Variants in UFSP2 observed in about 807,000 individuals in gnomAD.
The protein encoded by UFSP2 is ufm1-specific protease 2.
In UFSP2, 43 loss-of-function variants were observed where a neutral mutation model predicts 60.2. The observed-to-expected ratio is 0.71, with a 90% confidence interval of 0.56 to 0.92. UFSP2 has a LOEUF of 0.92. Among genes scored for constraint, UFSP2 ranks in the 40% least tolerant of loss-of-function variants. UFSP2 has a pLI of 0.00. For synonymous variants in UFSP2, 183 were observed against 195.1 expected, an observed-to-expected ratio of 0.94 and a Z score of 0.52; for missense variants, 520 against 575.0, an observed-to-expected ratio of 0.90 and a Z score of 0.98.
intron 2 of UFSP2, among the ~76,000 whole-genome samples, chr4:185,419,855 A>G (rs1407235469): frequency 6.6e-6 from 1 of 152,248 alleles, no homozygotes; most frequent in Non-Finnish European, 1.5e-5. Context: ...GCTATCATAT[A>G]TATGCTGCCA....
intron 4 of UFSP2, among the ~76,000 whole-genome samples, chr4:185,418,069 A>ACACACACACACACACACAC (rs1422329406): frequency 4.4e-5 from 1 of 22,780 alleles, no homozygotes; most frequent in African/African-American, 1.9e-4. Flanking sequence ...CACACACACA[A>ACACACACACACACACACAC]ACAACAGAAC....
Position 185,408,440 on chromosome 4 carries a change from A to G in UFSP2, c.832-5T>C. 6.2e-7 allele frequency: 1 copy of G among 1,612,392 alleles called. No homozygotes were observed. Among genetic ancestry groups the G allele is most frequent in the Non-Finnish European group, 8.5e-7 (1 of 1,178,972 alleles). Reference sequence around the variant, plus strand: ...TATGCCCTGGACCACATAAATCTATATACAGAGAAGAAACACAGTAAAATA... The same window carrying G: ...TATGCCCTGGACCACATAAATCTATGTACAGAGAAGAAACACAGTAAAATA... On this transcript the variant is annotated splice_region_variant and splice_polypyrimidine_tract_variant and intron_variant, in intron 7 of 11. Coordinates refer to ENST00000264689, the MANE Select transcript of UFSP2 (RefSeq NM_018359.5).
rs755098894 is a variant in UFSP2, at chr4:185,407,949, T to C, written c.1108A>G (p.Ile370Val). Residue 370 changes from isoleucine (I) to valine (V), a missense_variant, in exon 9 of 12, where the codon ATC (isoleucine) becomes GTC (valine). Physicochemically the swap from Ile to Val is conservative, Grantham distance 29. Transcript: ENST00000264689. Reference sequence around the variant, plus strand: ...AAGTGTGCTTACCTGACAAACAGGATTTTTGACGTTATACCGATCAATTGG... The same window carrying C: ...AAGTGTGCTTACCTGACAAACAGGACTTTTGACGTTATACCGATCAATTGG... ...LNQLIGITSK[I>V]LFVSQGSEIA... 1 of 1,613,740 alleles carries C rather than the reference T, an allele frequency of 6.2e-7. No individual in the cohort carries two copies. Among genetic ancestry groups the C allele is most frequent in the Non-Finnish European group, 8.5e-7 (1 of 1,179,900 alleles).
chr4:185,419,879 A>G (rs892912427), intron 2 of UFSP2, among the ~76,000 whole-genome samples: 1 of 152,214 alleles, frequency 6.6e-6, no homozygotes, highest in Admixed American at 6.5e-5. Flanking sequence ...ACATCTGTGC[A>G]TAAGTTCAGT....
chr4:185,400,518 T>G, intron 11 of UFSP2, 40 bp from the exon 12 acceptor site: 1 of 1,480,676 alleles, frequency 6.8e-7, no homozygotes, highest in Non-Finnish European at 9.4e-7. Context: ...TTTTACAAAG[T>G]TACAAGATTA....
At chr4:185,415,930 TAA>T (rs1356718037) in intron 4 of UFSP2, 63 bp from the exon 5 acceptor site, 1 of 1,341,210 alleles carries the variant, frequency 7.5e-7, no homozygotes, top group East Asian at 2.6e-5. Flanking sequence ...AAAGAGTAAG[TAA>T]AAAGACTTTT....
chr4:185,405,967 A>G, intron 9 of UFSP2, 111 bp from the exon 10 acceptor site: 6 of 1,561,562 alleles, frequency 3.8e-6, no homozygotes, highest in Non-Finnish European at 5.2e-6. Flanking sequence ...TTACTGAAAA[A>G]ATATATAAAT....
rs1267037410 is a variant in UFSP2 at position 185,418,719 on chromosome 4, T to G, written c.134A>C (p.Lys45Thr). ...LKHVLSDLST[K>T]LSSNALVFRI... ...GAACACAAGGGCGTTTGAAGACAGC[T>G]TAGTTGACAGGTCACTCAACACATG... Residue 45 changes from lysine (K) to threonine (T), a missense_variant, in exon 3 of 12, where the codon AAG becomes ACG. By Grantham distance (78) the Lys-to-Thr change is moderately conservative. Coordinates refer to ENST00000264689, the MANE Select transcript of UFSP2 (RefSeq NM_018359.5). The G allele has an allele frequency of 6.2e-7, 1 of 1,613,584 alleles. No homozygotes were observed. The highest frequency in any genetic ancestry group is 1.7e-5 in the Admixed American group (1 of 59,938).
At chr4:185,425,713 G>A (rs1441201195) in intron 1 of UFSP2, among the ~76,000 whole-genome samples, 153 bp downstream of exon 1, 2 of 152,170 alleles carry the variant, frequency 1.3e-5, no homozygotes, top group Non-Finnish European at 2.9e-5. Flanking sequence ...GCGGAGACAG[G>A]CGAACTGGAG....
At chr4:185,415,595 G>T in intron 5 of UFSP2, 115 bp downstream of exon 5, 2 of 1,008,902 alleles carry the variant, frequency 2.0e-6, no homozygotes, top group Non-Finnish European at 2.8e-6. Context: ...TGGCTCTTAG[G>T]TTAATAATAA....
At chr4:185,412,691 A>T (rs2095531527) in intron 7 of UFSP2, among the ~76,000 whole-genome samples, 1 of 152,152 alleles carries the variant, frequency 6.6e-6, no homozygotes, top group African/African-American at 2.4e-5. Context: ...GACAGAGTAA[A>T]AGTTAAGAAC....
Position 185,418,479 on chromosome 4 carries a change from T to G in UFSP2, c.295A>C (p.Lys99Gln), listed in dbSNP as rs757405752. The G allele has an allele frequency of 1.7e-5, 28 of 1,611,902 alleles. No individual in the cohort carries two copies. Among genetic ancestry groups the G allele is most frequent in the Non-Finnish European group, 2.3e-5 (27 of 1,178,490 alleles). Residue 99 changes from lysine to glutamine, a missense_variant, in exon 4 of 12, where the codon AAA (lysine) becomes CAA (glutamine). Transcript: ENST00000264689. ...TTTTTGTCCTTCTTTCTCATGAATT[T>G]TCTTTTTATATCTTCTTCTGGCTCA... ...QFEPEEDIKR[K>Q]FMRKKDKKLS...
intron 10 of UFSP2, among the ~76,000 whole-genome samples, chr4:185,404,805 C>G (rs374251694): frequency 6.6e-6 from 1 of 151,890 alleles, no homozygotes; most frequent in Non-Finnish European, 1.5e-5. Flanking sequence ...AGGCTGGTCT[C>G]GAACTCTTGG....
intron 4 of UFSP2, among the ~76,000 whole-genome samples, chr4:185,416,621 TAGTATAAA>T (rs985574012): frequency 2.5e-4 from 38 of 152,236 alleles, no homozygotes; most frequent in African/African-American, 8.9e-4. Flanking sequence ...TGTGTGTGGA[TAGTATAAA>T]AGTATAAAAG....
At chr4:185,403,707 G>A (rs566780188) in intron 10 of UFSP2, 89 bp from the exon 11 acceptor site, 38 of 1,497,708 alleles carry the variant, frequency 2.5e-5, no homozygotes, top group East Asian at 2.3e-4. Flanking sequence ...ACGGCCGGGC[G>A]TGGTGGCTCA....
chr4:185,424,697 T>G (rs892054580), intron 1 of UFSP2, among the ~76,000 whole-genome samples: 7 of 152,222 alleles, frequency 4.6e-5, no homozygotes, highest in Non-Finnish European at 1.5e-5. Context: ...TGTACCCATT[T>G]AAATAAAAAA....
At chr4:185,413,988 A>C in intron 6 of UFSP2, 116 bp from the exon 7 acceptor site, 1 of 915,296 alleles carries the variant, frequency 1.1e-6, no homozygotes, top group Non-Finnish European at 1.5e-6. Flanking sequence ...AAAAGTTTCC[A>C]AACACTTATG....
chr4:185,413,135 T>C (rs1230684033), intron 7 of UFSP2, among the ~76,000 whole-genome samples: 1 of 152,094 alleles, frequency 6.6e-6, no homozygotes, highest in East Asian at 1.9e-4. Flanking sequence ...TGAAATCCTG[T>C]CTCTACTAAA....
chr4:185,418,047 A>AAAACACACACACACACAC (rs1554024887), intron 4 of UFSP2, among the ~76,000 whole-genome samples: 13 of 142,954 alleles, frequency 9.1e-5, no homozygotes, highest in African/African-American at 3.2e-4. Context: ...TCCATCTCAA[A>AAAACACACACACACACAC]ACACACACAC....
Sources: gnomAD v4.1 joint callset for allele counts (sites outside exome capture counted in the v4.1 genomes callset) on GRCh38, gnomAD v4.1.1 for gene constraint, MANE v1.5 for transcripts, NCBI Gene and HGNC (gene_info 2026-07-23, HGNC 2026-07-21) for gene names.